The following MYOCOS variants were observed in gnomAD, a reference collection of about 807,000 sequenced individuals.
MYOCOS encodes the protein myocilin opposite strand protein.
upstream of MYOCOS, among the ~76,000 whole-genome samples, chr1:171,620,773 C>CTTTTTTTTTTTTTTTT (rs34455235): frequency 3.9e-5 from 5 of 127,212 alleles, no homozygotes; most frequent in East Asian, 2.2e-4. Flanking sequence ...CTTTTTCTTT[C>CTTTTTTTTTTTTTTTT]TTTTTTTTTT....
upstream of MYOCOS, among the ~76,000 whole-genome samples, chr1:171,617,382 A>G (rs940668890): frequency 5.3e-5 from 8 of 152,092 alleles, no homozygotes; most frequent in African/African-American, 1.9e-4. Flanking sequence ...GAAGAGATTC[A>G]AGGGCTGAGG....
intron 1 of MYOCOS, among the ~76,000 whole-genome samples, chr1:171,613,095 C>A (rs997610099): frequency 2.6e-5 from 4 of 152,252 alleles, no homozygotes; most frequent in African/African-American, 9.6e-5. Context: ...CCACAATCTT[C>A]AAAATGTGTG....
intron 1 of MYOCOS, among the ~76,000 whole-genome samples, chr1:171,613,813 G>A (rs1235554742): frequency 6.6e-6 from 1 of 152,152 alleles, no homozygotes; most frequent in Non-Finnish European, 1.5e-5. Context: ...AGGATTAGAG[G>A]TGTGAGCCAC....
chr1:171,618,873 G>A (rs575834803), upstream of MYOCOS, among the ~76,000 whole-genome samples: 1 of 152,308 alleles, frequency 6.6e-6, no homozygotes, highest in African/African-American at 2.4e-5. Context: ...ACCATGTCTG[G>A]ACTCACTATC....
At chr1:171,608,084 C>T (rs560930443) in intron 1 of MYOCOS, among the ~76,000 whole-genome samples, 2 of 152,262 alleles carry the variant, frequency 1.3e-5, no homozygotes, top group East Asian at 3.9e-4. Flanking sequence ...GGAAACTGCC[C>T]TTATGATTCA....
chr1:171,612,920 A>G (rs1652381712), intron 1 of MYOCOS, among the ~76,000 whole-genome samples: 1 of 152,192 alleles, frequency 6.6e-6, no homozygotes, highest in Non-Finnish European at 1.5e-5. Flanking sequence ...ACATTCAAAG[A>G]GCAAGGAAAT....
intron 1 of MYOCOS, among the ~76,000 whole-genome samples, chr1:171,605,805 C>T (rs2102932327): frequency 6.6e-6 from 1 of 152,268 alleles, no homozygotes. Flanking sequence ...TCTACATGCT[C>T]AACCGAATCA....
chr1:171,608,668 G>A (rs235898), intron 1 of MYOCOS, among the ~76,000 whole-genome samples: 23,081 of 151,822 alleles, frequency 0.15, 1,837 homozygotes, highest in Middle Eastern at 0.29. Context: ...TGATCTGCCC[G>A]CCTCGGCCTC....
intron 1 of MYOCOS, among the ~76,000 whole-genome samples, chr1:171,613,473 A>G (rs1026380312): frequency 6.6e-6 from 1 of 152,050 alleles, no homozygotes; most frequent in Admixed American, 6.5e-5. Flanking sequence ...CCCATTAAAG[A>G]CTTCATTTCA....
upstream of MYOCOS, among the ~76,000 whole-genome samples, chr1:171,621,833 C>T (rs1197967450): frequency 6.6e-6 from 1 of 151,986 alleles, no homozygotes; most frequent in East Asian, 1.9e-4. Context: ...GAGACCCTGT[C>T]TCAATAATTA....
chr1:171,611,137 G>C (rs987450633), intron 1 of MYOCOS, among the ~76,000 whole-genome samples: 1 of 152,214 alleles, frequency 6.6e-6, no homozygotes, highest in Non-Finnish European at 1.5e-5. Flanking sequence ...GAGAAGAGCT[G>C]CAGAGCAGCA....
intron 1 of MYOCOS, among the ~76,000 whole-genome samples, chr1:171,602,467 G>C (rs1170367264): frequency 6.6e-6 from 1 of 152,144 alleles, no homozygotes; most frequent in Admixed American, 6.5e-5. Flanking sequence ...AGAAAATTCT[G>C]TGTGTAAACA....
chr1:171,606,843 C>T (rs1430883894), intron 1 of MYOCOS, among the ~76,000 whole-genome samples: 1 of 152,140 alleles, frequency 6.6e-6, no homozygotes, highest in East Asian at 1.9e-4. Context: ...CCTGTAATCT[C>T]AGCATTTTGG....
intron 1 of MYOCOS, 149 bp from the exon 2 acceptor site, chr1:171,623,692 G>A: frequency 5.1e-6 from 2 of 394,232 alleles, no homozygotes; most frequent in Non-Finnish European, 4.5e-6. Flanking sequence ...TTGACCTTGG[G>A]GGGAAGGGGG....
At chr1:171,621,609 T>C (rs903600394), upstream of MYOCOS, among the ~76,000 whole-genome samples, 11 of 152,064 alleles carry the variant, frequency 7.2e-5, no homozygotes, top group African/African-American at 2.7e-4. Flanking sequence ...TCTCCTGACC[T>C]CGTGATCCGC....
At chr1:171,609,900 G>T (rs1652325101) in intron 1 of MYOCOS, among the ~76,000 whole-genome samples, 1 of 152,164 alleles carries the variant, frequency 6.6e-6, no homozygotes, top group African/African-American at 2.4e-5. Context: ...TTGCTGTCAG[G>T]TTGTTTGACC....
chr1:171,609,190 C>G (rs1478384264), intron 1 of MYOCOS, among the ~76,000 whole-genome samples: 1 of 152,182 alleles, frequency 6.6e-6, no homozygotes, highest in African/African-American at 2.4e-5. Flanking sequence ...GGTCACTTTG[C>G]CTTTCTATGA....
At chr1:171,619,026 T>C (rs1652504550), upstream of MYOCOS, among the ~76,000 whole-genome samples, 1 of 152,246 alleles carries the variant, frequency 6.6e-6, no homozygotes, top group African/African-American at 2.4e-5. Flanking sequence ...GCCCCCAATT[T>C]GTTTTAAAAT....
upstream of MYOCOS, among the ~76,000 whole-genome samples, chr1:171,618,885 C>T (rs546408174): frequency 1.3e-5 from 2 of 152,162 alleles, no homozygotes; most frequent in African/African-American, 4.8e-5. Flanking sequence ...CTCACTATCT[C>T]CTTTTTTGCC....
Sources: gnomAD v4.1 joint callset for allele counts (sites outside exome capture counted in the v4.1 genomes callset) on GRCh38, gnomAD v4.1.1 for gene constraint, MANE v1.5 for transcripts, NCBI Gene and HGNC (gene_info 2026-07-23, HGNC 2026-07-21) for gene names.